The following PPIP5K2 variants were observed in gnomAD, a reference collection of about 807,000 sequenced individuals.
The protein encoded by PPIP5K2 is inositol hexakisphosphate and diphosphoinositol-pentakisphosphate kinase 2.
In PPIP5K2, 105 loss-of-function variants were observed where a neutral mutation model predicts 154.6. The observed-to-expected ratio is 0.68, with a 90% CI of 0.58 to 0.80. The LOEUF (loss-of-function observed/expected upper bound fraction) is 0.80, where lower values mean the gene tolerates loss of function less well. Among genes scored for constraint, PPIP5K2 ranks in the 30% least tolerant of loss-of-function variants. The pLI is 0.00. For missense variants in PPIP5K2, 992 were observed against 1,504.6 expected (o/e 0.66, Z 5.64); for synonymous variants, 480 against 490.3 (o/e 0.98, Z 0.28).
chr5:103,122,950 C>T (rs1342483925), intron 1 of PPIP5K2, among the ~76,000 whole-genome samples: 4 of 152,096 alleles, frequency 2.6e-5, no homozygotes, highest in Non-Finnish European at 4.4e-5. Context: ...TTATCCCAGG[C>T]AGTAGTGTTC....
At chr5:103,147,530 T>G (rs1793949422) in intron 6 of PPIP5K2, among the ~76,000 whole-genome samples, 1 of 151,950 alleles carries the variant, frequency 6.6e-6, no homozygotes, top group African/African-American at 2.4e-5. Context: ...CACATAAGAA[T>G]GTTGAAAGCA....
chr5:103,191,670 TATC>T (rs1237508444), intron 29 of PPIP5K2, among the ~76,000 whole-genome samples: 2 of 152,104 alleles, frequency 1.3e-5, no homozygotes, highest in Non-Finnish European at 2.9e-5. Flanking sequence ...ACACATTAAA[TATC>T]ATGTGGCTCT....
chr5:103,146,807 T>C lies in PPIP5K2; in HGVS notation c.642+126T>C, dbSNP rs1793829269. 4 of 749,544 alleles carry C rather than the reference T, an allele frequency of 5.3e-6. No homozygotes were observed. The South Asian group carries it at 1.3e-4, about 25-fold the overall frequency. The allele number at this position is 749,544 out of a possible 1,614,324, so 46.4% of individuals were successfully genotyped here. On this transcript the variant is annotated intron_variant, in intron 6 of 30. Coordinates refer to ENST00000358359, the MANE Select transcript of PPIP5K2 (RefSeq NM_001276277.3). The stretch of plus-strand genomic sequence containing the variant: ...TGAAAATGTATCATTTAGAGGTAAA[T>C]TTATGAAACTGATATACTTTGTTAG...
chr5:103,150,342 G>A (rs1794423953), intron 8 of PPIP5K2, among the ~76,000 whole-genome samples: 1 of 152,180 alleles, frequency 6.6e-6, no homozygotes, highest in South Asian at 2.1e-4. Context: ...AATACCTGAT[G>A]ATTGAACTTA....
chr5:103,161,498 T>A (rs1387736307), intron 17 of PPIP5K2, among the ~76,000 whole-genome samples: 1 of 152,184 alleles, frequency 6.6e-6, no homozygotes, highest in Non-Finnish European at 1.5e-5. Context: ...CTGGGTCAAA[T>A]GGTATTTCTA....
chr5:103,173,093 G>A (rs906556950), intron 19 of PPIP5K2, 62 bp from the exon 20 acceptor site: 2 of 1,363,888 alleles, frequency 1.5e-6, no homozygotes, highest in South Asian at 1.5e-5. Flanking sequence ...ATTTAGGAGT[G>A]TATTTTTTTA....
chr5:103,169,628 T>C (rs529046129), intron 19 of PPIP5K2, among the ~76,000 whole-genome samples: 1 of 151,868 alleles, frequency 6.6e-6, no homozygotes, highest in African/African-American at 2.4e-5. Flanking sequence ...AGGTATATTG[T>C]ATGAATCTGT....
At chr5:103,174,444 C>T (rs1278772976) in intron 21 of PPIP5K2, among the ~76,000 whole-genome samples, 1 of 151,986 alleles carries the variant, frequency 6.6e-6, no homozygotes, top group Non-Finnish European at 1.5e-5. Context: ...TGAAGTTTCT[C>T]TTAGAGTCTC....
intron 6 of PPIP5K2, 80 bp from the exon 7 acceptor site, chr5:103,147,851 A>G: frequency 1.2e-6 from 1 of 838,686 alleles, no homozygotes; most frequent in South Asian, 1.8e-5. Flanking sequence ...ATAGATGGTA[A>G]ATAAACTATT....
chr5:103,195,609 A>T (rs1231273166), intron 30 of PPIP5K2, among the ~76,000 whole-genome samples: 1 of 152,126 alleles, frequency 6.6e-6, no homozygotes, highest in Admixed American at 6.5e-5. Flanking sequence ...CCTTCCTGAA[A>T]TGCTCTCTTA....
chr5:103,129,527 A>G lies in PPIP5K2; in HGVS notation c.-63A>G, dbSNP rs190553385. 10 of 1,345,924 alleles carry G rather than the reference A, an allele frequency of 7.4e-6. No homozygotes were observed. In the African/African-American group the frequency reaches 7.5e-5, roughly 10 times the overall value. The allele number at this position is 1,345,924 out of a possible 1,614,324, so 83.4% of individuals were successfully genotyped here. A position where few individuals can be genotyped will look rare whatever the true frequency, so the allele number is the denominator to read the frequency against. ...ATGGAGAATGCTTTCTTCTGATACTATTTACTTAGAGGCAGTTTTAATATA... is the reference window on the plus strand; with the variant it reads ...ATGGAGAATGCTTTCTTCTGATACTGTTTACTTAGAGGCAGTTTTAATATA... On this transcript the variant is annotated 5_prime_UTR_variant, in exon 2 of 31. Transcript: ENST00000358359.
rs1803259610 is a variant in PPIP5K2, at chr5:103,203,193, A to G, written c.*1559A>G. On this transcript the variant is annotated 3_prime_UTR_variant, in exon 31 of 31. Coordinates refer to ENST00000358359, the MANE Select transcript of PPIP5K2 (RefSeq NM_001276277.3). ...TTTTTTAAAGTGGAACCTAATTAAA[A>G]TATTTCCAGAATCAAAGAGACTTAA... 6.6e-6 allele frequency: 1 copy of G among 152,544 alleles called. No individual in the cohort carries two copies. Among genetic ancestry groups the G allele is most frequent in the South Asian group, 2.1e-4 (1 of 4,832 alleles). The allele number at this position is 152,544 out of a possible 1,614,324, so 9.4% of individuals were successfully genotyped here. A position where few individuals can be genotyped will look rare whatever the true frequency, so the allele number is the denominator to read the frequency against.
chr5:103,146,453 C>G lies in PPIP5K2; in HGVS notation c.488-74C>G, dbSNP rs1417710501. On this transcript the variant is annotated intron_variant, in intron 5 of 30. Coordinates refer to ENST00000358359, the MANE Select transcript of PPIP5K2 (RefSeq NM_001276277.3). Reference sequence around the variant, plus strand: ...TTTATGGTCTTTTAGTGAAAAAGTCCTCGATAATAATGTGGTGTCCTGATA... The same window carrying G: ...TTTATGGTCTTTTAGTGAAAAAGTCGTCGATAATAATGTGGTGTCCTGATA... 2.1e-6 allele frequency: 3 copies of G among 1,422,872 alleles called. No individual in the cohort carries two copies. In the African/African-American group the frequency reaches 4.4e-5, roughly 21 times the overall value. The allele number at this position is 1,422,872 out of a possible 1,614,324, so 88.1% of individuals were successfully genotyped here.
rs1800421291 is a variant in PPIP5K2 at position 103,186,578 on chromosome 5, G to A, written c.3289+139G>A. The stretch of plus-strand genomic sequence containing the variant: ...ATCTTTTGCCTAAATGACTATCAGT[G>A]CTCTCTGTTATCTACAACTTGGATC... On this transcript the variant is annotated intron_variant, in intron 27 of 30. Transcript: ENST00000358359. The A allele has an allele frequency of 3.4e-6, 4 of 1,191,850 alleles. 1 individual carries two copies. In the South Asian group the frequency reaches 5.6e-5, roughly 17 times the overall value. 73.8% of individuals were successfully genotyped at this position (1,191,850 alleles called of 1,614,324 possible).
At chr5:103,197,472 G>A (rs782551871) in intron 30 of PPIP5K2, among the ~76,000 whole-genome samples, 23 of 147,140 alleles carry the variant, frequency 1.6e-4, no homozygotes, top group Non-Finnish European at 2.7e-4. Flanking sequence ...TTTTTTTTGT[G>A]ATCATTCTCA....
Position 103,167,302 on chromosome 5 carries a change from G to A in PPIP5K2, c.2044G>A (p.Glu682Lys), listed in dbSNP as rs1797277617. 2 of 1,584,878 alleles carry A rather than the reference G, an allele frequency of 1.3e-6. No individual in the cohort carries two copies. Among genetic ancestry groups the A allele is most frequent in the Non-Finnish European group, 1.7e-6 (2 of 1,167,192 alleles). ...GACTTCTCAAATCAGACATCGAATG[G>A]AAGATCCTAAATCATCAGGTAAATA... ...SLTSQIRHRM[E>K]DPKSSDIQLY... Residue 682 changes from glutamate (E) to lysine (K), a missense_variant, in exon 18 of 31, where the codon GAA (glutamate) becomes AAA (lysine). Glu to Lys is a moderately conservative substitution (Grantham distance 56, BLOSUM62 1). Coordinates refer to ENST00000358359, the MANE Select transcript of PPIP5K2 (RefSeq NM_001276277.3).
At chr5:103,162,582 C>T (rs781836219) in intron 17 of PPIP5K2, among the ~76,000 whole-genome samples, 23 of 151,914 alleles carry the variant, frequency 1.5e-4, no homozygotes, top group Non-Finnish European at 3.1e-4. Flanking sequence ...AGGCTAGTCT[C>T]GAACTCTTGG....
rs1411983339 is a variant in PPIP5K2 at position 103,180,514 on chromosome 5, AT to A, written c.2922+334del. Among the ~76,000 whole-genome samples the A allele has an allele frequency of 3.9e-5, 6 of 151,970 alleles. No homozygotes were observed. In the East Asian group the frequency reaches 1.2e-3, roughly 29 times the overall value. On this transcript the variant is annotated intron_variant, in intron 24 of 30. Coordinates refer to ENST00000358359, the MANE Select transcript of PPIP5K2 (RefSeq NM_001276277.3). ...ACATTAGGTTGATCTTCAATAATGA[AT>A]TTTTTTTAAAAGCCTGATTTAATGG...
At chr5:103,164,172 G>T (rs1580281788) in intron 17 of PPIP5K2, among the ~76,000 whole-genome samples, 1 of 151,738 alleles carries the variant, frequency 6.6e-6, no homozygotes, top group African/African-American at 2.4e-5. Context: ...TTAGAAGTTT[G>T]TTCATAATTT....
Sources: gnomAD v4.1 joint callset for allele counts (sites outside exome capture counted in the v4.1 genomes callset) on GRCh38, gnomAD v4.1.1 for gene constraint, MANE v1.5 for transcripts, NCBI Gene and HGNC (gene_info 2026-07-23, HGNC 2026-07-21) for gene names.